Variants in B9D1 observed in about 807,000 individuals in gnomAD.
B9D1 encodes the protein B9 domain containing 1, also known as B9 domain-containing protein 1.
A neutral mutation model predicts 26.1 loss-of-function variants in B9D1; 20 were observed. That is an observed-to-expected ratio of 0.77 (90% CI 0.54 to 1.12). The LOEUF (loss-of-function observed/expected upper bound fraction) is 1.12. Ranked by LOEUF, B9D1 falls within the 50% of genes most tolerant of loss-of-function variation. B9D1 has a pLI of 0.00. For synonymous variants in B9D1, 105 were observed against 103.1 expected, an observed-to-expected ratio of 1.02 and a Z score of -0.11; for missense variants, 260 against 273.7, an observed-to-expected ratio of 0.95 and a Z score of 0.35.
At chr17:19,371,034 C>G (rs1034193682) in intron 1 of B9D1, among the ~76,000 whole-genome samples, 2 of 152,228 alleles carry the variant, frequency 1.3e-5, no homozygotes, top group African/African-American at 2.4e-5. Context: ...CACCCTGAGC[C>G]CCTGCATGTA....
chr17:19,377,539 C>A (rs991650737), intron 1 of B9D1, among the ~76,000 whole-genome samples: 2 of 152,174 alleles, frequency 1.3e-5, no homozygotes, highest in Non-Finnish European at 2.9e-5. Flanking sequence ...GGAGTGAAAC[C>A]AAAATTCTTC....
chr17:19,342,008 T>G (rs990767801), downstream of B9D1, among the ~76,000 whole-genome samples: 3 of 152,078 alleles, frequency 2.0e-5, no homozygotes, highest in African/African-American at 7.2e-5. Context: ...TTGGAGGCAG[T>G]GCCTTCACCA....
intron 5 of B9D1, among the ~76,000 whole-genome samples, chr17:19,346,301 C>A (rs1453178918): frequency 6.6e-6 from 1 of 152,236 alleles, no homozygotes; most frequent in Non-Finnish European, 1.5e-5. Context: ...CAGCGGAGAC[C>A]CTGCCCTTCC....
intron 3 of B9D1, among the ~76,000 whole-genome samples, chr17:19,354,752 TG>T (rs1173864916): frequency 6.6e-6 from 1 of 152,062 alleles, no homozygotes; most frequent in Admixed American, 6.6e-5. Flanking sequence ...TGCTTGAACC[TG>T]GGAGGCGGAG....
intron 3 of B9D1, among the ~76,000 whole-genome samples, chr17:19,355,028 C>G (rs1378812411): frequency 1.3e-5 from 2 of 152,138 alleles, no homozygotes; most frequent in Non-Finnish European, 2.9e-5. Context: ...GTCCTCTCCC[C>G]CTCCTTCCAG....
chr17:19,343,628 A>C, intron 6 of B9D1, 162 bp downstream of exon 6: 1 of 1,578,088 alleles, frequency 6.3e-7, no homozygotes, highest in East Asian at 2.3e-5. Context: ...GGCAGACATG[A>C]CAAACCCTCT....
intron 3 of B9D1, among the ~76,000 whole-genome samples, chr17:19,352,155 G>A (rs8066640): frequency 0.96 from 146,088 of 152,150 alleles, 70,533 homozygotes; most frequent in African/African-American, 0.99. Flanking sequence ...CAAAGTGTTG[G>A]GATTATAGGT....
At chr17:19,369,382 C>A (rs1911770471) in intron 1 of B9D1, among the ~76,000 whole-genome samples, 1 of 152,198 alleles carries the variant, frequency 6.6e-6, no homozygotes, top group Non-Finnish European at 1.5e-5. Flanking sequence ...AGCTTGCGAT[C>A]AGCCACGGAA....
At chr17:19,360,618 T>A (rs920940678) in intron 1 of B9D1, among the ~76,000 whole-genome samples, 1 of 152,070 alleles carries the variant, frequency 6.6e-6, no homozygotes, top group African/African-American at 2.4e-5. Context: ...CCTTGTCTGA[T>A]TTGTCCTTCC....
intron 1 of B9D1, among the ~76,000 whole-genome samples, chr17:19,369,471 C>A (rs958427412): frequency 6.6e-6 from 1 of 152,056 alleles, no homozygotes; most frequent in African/African-American, 2.4e-5. Context: ...TCTCAGAAAA[C>A]GGGACGTGCT....
intron 1 of B9D1, 137 bp from the exon 2 acceptor site, chr17:19,360,525 C>A: frequency 1.3e-6 from 1 of 770,186 alleles, no homozygotes; most frequent in Non-Finnish European, 2.3e-6. Flanking sequence ...GAGATGTGTT[C>A]AGAGGAGAGG....
In B9D1 at chr17:19,360,378, T is replaced by A. The variant is rs943728198; in HGVS notation, c.74A>T (p.Tyr25Phe). Reference sequence around the variant, plus strand: ...GCAGTACTTGCAGTAGAGGTCATCATACTCTGGAAACTGAAAAAAGCACAG... The same window carrying A: ...GCAGTACTTGCAGTAGAGGTCATCAAACTCTGGAAACTGAAAAAAGCACAG... Reference protein sequence around the residue: ...GQVESAQFPEYDDLYCKYCFV... With the variant: ...GQVESAQFPEFDDLYCKYCFV... The change falls in exon 2 of 7, where the codon TAT becomes TTT. Residue 25 changes from tyrosine (Y) to phenylalanine (F), a missense_variant. Physicochemically the swap from Tyr to Phe is conservative, Grantham distance 22. Coordinates refer to ENST00000261499, the MANE Select transcript of B9D1 (RefSeq NM_015681.6). 6.2e-7 allele frequency: 1 copy of A among 1,613,744 alleles called. No homozygotes were observed. Among genetic ancestry groups the A allele is most frequent in the African/African-American group, 1.3e-5 (1 of 74,930 alleles).
chr17:19,348,854 T>A (rs1376651407), intron 3 of B9D1, among the ~76,000 whole-genome samples: 1 of 152,234 alleles, frequency 6.6e-6, no homozygotes, highest in Admixed American at 6.5e-5. Context: ...TAAAGGGGCG[T>A]GTTCATGTTC....
At chr17:19,361,335 G>A (rs1911038535) in intron 1 of B9D1, among the ~76,000 whole-genome samples, 1 of 152,118 alleles carries the variant, frequency 6.6e-6, no homozygotes, top group Admixed American at 6.5e-5. Flanking sequence ...ACCAGTCCCT[G>A]GTGCCAAAAA....
downstream of B9D1, among the ~76,000 whole-genome samples, chr17:19,342,557 G>C (rs956926211): frequency 6.6e-6 from 1 of 152,102 alleles, no homozygotes; most frequent in African/African-American, 2.4e-5. Context: ...AAGGTGGGGA[G>C]GCCCAGGGTC....
At chr17:19,376,787 C>CAAATAAAATA (rs150015643) in intron 1 of B9D1, among the ~76,000 whole-genome samples, 4,107 of 134,730 alleles carry the variant, frequency 0.03, 197 homozygotes, top group African/African-American at 0.1. Context: ...ACTCACTCTT[C>CAAATAAAATA]AAATAAAATA....
intron 3 of B9D1, 48 bp downstream of exon 3, chr17:19,357,792 T>G (rs1420342470): frequency 7.3e-7 from 1 of 1,365,628 alleles, no homozygotes; most frequent in Non-Finnish European, 1.0e-6. Context: ...TTGGGGGTGC[T>G]GTGTGAAAGC....
intron 3 of B9D1, among the ~76,000 whole-genome samples, chr17:19,348,669 A>G (rs956858847): frequency 1.3e-5 from 2 of 152,158 alleles, no homozygotes; most frequent in African/African-American, 4.8e-5. Context: ...TTAGGAAACT[A>G]CCTCTTTACT....
downstream of B9D1, chr17:19,341,334 A>C (rs1322119497): frequency 8.1e-7 from 1 of 1,231,456 alleles, no homozygotes; most frequent in African/African-American, 1.6e-5. Flanking sequence ...TAGCTGTGAT[A>C]AAATGGGGCA....
Sources: allele counts gnomAD v4.1 joint callset (sites outside exome capture counted in the v4.1 genomes callset), GRCh38; gene constraint gnomAD v4.1.1; transcripts MANE v1.5; gene names NCBI Gene and HGNC (gene_info 2026-07-23, HGNC 2026-07-21).